The following SUMF1 variants were observed in gnomAD, a reference collection of about 807,000 sequenced individuals.
SUMF1 encodes formylglycine-generating enzyme.
Under a neutral mutation model 47.6 loss-of-function variants are expected in SUMF1, and 48 were observed. That is an observed-to-expected ratio of 1.01 (90% CI 0.80 to 1.28). The LOEUF (loss-of-function observed/expected upper bound fraction) is 1.28. Among genes scored for constraint, SUMF1 ranks in the 50% most tolerant of loss-of-function variants. The probability of loss-of-function intolerance (pLI) is 0.00; values close to 1 mark genes in which losing one functional copy is unlikely to be tolerated. For synonymous variants in SUMF1, 230 were observed against 192.1 expected (o/e 1.20, Z -1.63); for missense variants, 571 against 485.4 (o/e 1.18, Z -1.66).
chr3:4,420,213 T>A, intron 3 of SUMF1, 67 bp from the exon 4 acceptor site: 2 of 1,237,636 alleles, frequency 1.6e-6, no homozygotes, highest in African/African-American at 1.6e-5. Flanking sequence ...ATCAACTCAG[T>A]ACATGCAGCA....
At chr3:4,181,118 CTA>C (rs1371508475) in intron 8 of SUMF1, among the ~76,000 whole-genome samples, 2 of 152,154 alleles carry the variant, frequency 1.3e-5, no homozygotes, top group Admixed American at 6.5e-5. Context: ...GAAGAAAAGA[CTA>C]GTGTGCCATC....
intron 1 of SUMF1, among the ~76,000 whole-genome samples, chr3:4,465,488 AAAG>A (rs2079920173): frequency 6.6e-6 from 1 of 151,820 alleles, no homozygotes; most frequent in Non-Finnish European, 1.5e-5. Flanking sequence ...AAAAAAAAAA[AAAG>A]AAAAGAAAAA....
Position 4,315,738 on chromosome 3 carries a change from T to C in SUMF1, c.1014+60592A>G, listed in dbSNP as rs78089036. On this transcript the variant is annotated intron_variant and NMD_transcript_variant, in intron 8 of 12. Coordinates refer to the SUMF1 transcript ENST00000448413. ...CATGATAAAATAACATTTTTATAAA[T>C]TATAAGATTCAAATTTTAAAAGATG... is the stretch of plus-strand genomic sequence containing the variant. Among the ~76,000 whole-genome samples the C allele has an allele frequency of 5.2e-3, 795 of 152,190 alleles. 11 individuals are homozygous for C. Among genetic ancestry groups the C allele is most frequent in the African/African-American group, 0.019 (771 of 41,530 alleles).
chr3:4,109,985 G>A (rs1246524463), intron 8 of SUMF1, among the ~76,000 whole-genome samples: 4 of 152,130 alleles, frequency 2.6e-5, no homozygotes, highest in Non-Finnish European at 5.9e-5. Flanking sequence ...CGTTCCTTTG[G>A]AGGAGGAGAG....
At chr3:4,391,030 T>C (rs1295843942) in intron 7 of SUMF1, among the ~76,000 whole-genome samples, 2 of 152,214 alleles carry the variant, frequency 1.3e-5, no homozygotes, top group Non-Finnish European at 2.9e-5. Context: ...TTCTCCTGGA[T>C]ATAGAATTCT....
At chr3:4,234,306 A>T (rs1186655774) in intron 8 of SUMF1, among the ~76,000 whole-genome samples, 1 of 152,064 alleles carries the variant, frequency 6.6e-6, no homozygotes, top group South Asian at 2.1e-4. Flanking sequence ...GAACTGATTT[A>T]TCAAAAGTCA....
intron 8 of SUMF1, among the ~76,000 whole-genome samples, chr3:4,183,848 G>C (rs1695144866): frequency 6.6e-6 from 1 of 152,132 alleles, no homozygotes; most frequent in South Asian, 2.1e-4. Flanking sequence ...TACTTTATAA[G>C]TAGTGTTAAA....
intron 3 of SUMF1, among the ~76,000 whole-genome samples, chr3:4,423,794 C>A (rs1022386066): frequency 6.6e-6 from 1 of 152,048 alleles, no homozygotes; most frequent in Admixed American, 6.6e-5. Context: ...TTGGGCCGTC[C>A]CCTTGGTGAT....
At chr3:4,135,025 C>A (rs928821758) in intron 8 of SUMF1, among the ~76,000 whole-genome samples, 2 of 152,108 alleles carry the variant, frequency 1.3e-5, no homozygotes, top group Non-Finnish European at 2.9e-5. Flanking sequence ...GGATTCACAG[C>A]CGAATTCTAC....
chr3:4,184,558 C>T (rs1266273069), intron 8 of SUMF1, among the ~76,000 whole-genome samples: 1 of 151,948 alleles, frequency 6.6e-6, no homozygotes, highest in Non-Finnish European at 1.5e-5. Context: ...GTCATTTCAA[C>T]TTTAATGTTT....
chr3:4,149,698 A>G (rs1031872912), intron 8 of SUMF1, among the ~76,000 whole-genome samples: 1 of 152,110 alleles, frequency 6.6e-6, no homozygotes, highest in Non-Finnish European at 1.5e-5. Context: ...ATATACTACT[A>G]TCTCGAAAAT....
At chr3:4,112,257 T>C (rs928566387) in intron 8 of SUMF1, among the ~76,000 whole-genome samples, 5 of 152,126 alleles carry the variant, frequency 3.3e-5, no homozygotes, top group Admixed American at 2.6e-4. Flanking sequence ...ATATGCCTGG[T>C]GGATGGAACA....
chr3:4,338,110 T>C (rs1231189989), intron 8 of SUMF1, among the ~76,000 whole-genome samples: 1 of 152,178 alleles, frequency 6.6e-6, no homozygotes, highest in African/African-American at 2.4e-5. Flanking sequence ...GTAGTAAGAA[T>C]ATTTTAGAGC....
intron 8 of SUMF1, among the ~76,000 whole-genome samples, chr3:4,113,562 A>G (rs1249666660): frequency 6.6e-6 from 1 of 151,928 alleles, no homozygotes; most frequent in Non-Finnish European, 1.5e-5. Flanking sequence ...AATATATATC[A>G]TATTATTGCT....
At chr3:4,296,799 T>G (rs1215753308) in intron 8 of SUMF1, among the ~76,000 whole-genome samples, 1 of 152,168 alleles carries the variant, frequency 6.6e-6, no homozygotes, top group Admixed American at 6.5e-5. Context: ...AATAATAATG[T>G]CATTATAAAT....
chr3:4,266,972 G>A (rs533209578), intron 8 of SUMF1, among the ~76,000 whole-genome samples: 11 of 150,326 alleles, frequency 7.3e-5, no homozygotes, highest in East Asian at 2.0e-4. Flanking sequence ...TTCTGCATCT[G>A]TTGAGATAAT....
At chr3:4,362,404 GCACATTCAAGAACTAAC>G (rs1699797610) in intron 8 of SUMF1, 150 bp from the exon 9 acceptor site, 2 of 692,370 alleles carry the variant, frequency 2.9e-6, no homozygotes, top group Admixed American at 2.1e-5. Flanking sequence ...AAAAAGGGCA[GCACATTCAAGAACTAAC>G]CACATATTTT....
At chr3:4,174,651 C>A (rs928208298) in intron 8 of SUMF1, among the ~76,000 whole-genome samples, 1 of 152,142 alleles carries the variant, frequency 6.6e-6, no homozygotes, top group Non-Finnish European at 1.5e-5. Context: ...TGCATTTCCA[C>A]TGAGGTACCT....
At chr3:4,080,028 G>T (rs560885485) in intron 8 of SUMF1, among the ~76,000 whole-genome samples, 6 of 151,936 alleles carry the variant, frequency 3.9e-5, no homozygotes, top group African/African-American at 1.4e-4. Context: ...AAATGAGTCA[G>T]AATCCAAATG....
Sources: gnomAD v4.1 joint callset for allele counts (sites outside exome capture counted in the v4.1 genomes callset) on GRCh38, gnomAD v4.1.1 for gene constraint, MANE v1.5 for transcripts, NCBI Gene and HGNC (gene_info 2026-07-23, HGNC 2026-07-21) for gene names.